BCAS3: variants seen among roughly 807,000 people sequenced by gnomAD.
The protein encoded by BCAS3 is BCAS4/BCAS3 fusion.
BCAS3 carries 53 observed loss-of-function variants against 116.1 expected under a neutral mutation model. The observed-to-expected ratio is 0.46, with a 90% CI of 0.37 to 0.57. BCAS3 has a LOEUF of 0.57. BCAS3 is among the 20% of genes least tolerant of loss of function. The pLI is 0.00. For missense variants in BCAS3, 917 were observed against 1,165.4 expected (o/e 0.79, Z 3.10); for synonymous variants, 391 against 408.2 (o/e 0.96, Z 0.51).
rs372700020 is a variant in BCAS3, at chr17:60,996,364, T to C, written c.1486+6129T>C. On this transcript the variant is annotated intron_variant, in intron 15 of 23. Transcript: ENST00000407086. ...TTATAGTGAAGACTGTGAGAAGTCATTGGATTCTTGATATATTTTTTATGG... is the reference window on the plus strand; with the variant it reads ...TTATAGTGAAGACTGTGAGAAGTCACTGGATTCTTGATATATTTTTTATGG... Among the ~76,000 whole-genome samples, 330 of 152,284 alleles carry C rather than the reference T, an allele frequency of 2.2e-3. 2 individuals carry two copies. Among genetic ancestry groups the C allele is most frequent in the African/African-American group, 6.9e-3 (287 of 41,554 alleles).
chr17:60,835,030 G>A (rs2051249948), intron 7 of BCAS3, among the ~76,000 whole-genome samples: 1 of 151,604 alleles, frequency 6.6e-6, no homozygotes, highest in African/African-American at 2.4e-5. Flanking sequence ...TTTTTAACTG[G>A]TCTGTTTTGC....
chr17:60,854,440 T>C (rs2053475423), intron 7 of BCAS3, among the ~76,000 whole-genome samples: 1 of 152,182 alleles, frequency 6.6e-6, no homozygotes, highest in Admixed American at 6.5e-5. Flanking sequence ...GGTCAAATGG[T>C]ATTTCTAGTT....
At chr17:61,102,097 A>G (rs781673374) in intron 22 of BCAS3, among the ~76,000 whole-genome samples, 1 of 152,180 alleles carries the variant, frequency 6.6e-6, no homozygotes, top group South Asian at 2.1e-4. Context: ...ATGCAATACT[A>G]TTAACATTCA....
chr17:60,771,311 C>T (rs989505857), intron 6 of BCAS3, among the ~76,000 whole-genome samples: 1 of 151,674 alleles, frequency 6.6e-6, no homozygotes, highest in African/African-American at 2.4e-5. Flanking sequence ...GTTGTCTAGA[C>T]TAAGGGTGAA....
At chr17:60,920,341 A>C (rs980372636) in intron 12 of BCAS3, among the ~76,000 whole-genome samples, 2 of 152,378 alleles carry the variant, frequency 1.3e-5, no homozygotes, top group African/African-American at 4.8e-5. Context: ...AAATGTTTGC[A>C]AATGGTTTAT....
intron 6 of BCAS3, among the ~76,000 whole-genome samples, chr17:60,804,478 A>T (rs1395044739): frequency 6.6e-6 from 1 of 152,064 alleles, no homozygotes; most frequent in African/African-American, 2.4e-5. Flanking sequence ...ATCTCAAAAG[A>T]AAAACAAGAA....
chr17:61,392,263 A>G lies in BCAS3; in HGVS notation c.*138A>G, dbSNP rs1484506843. On this transcript the variant is annotated 3_prime_UTR_variant, in exon 24 of 24. Coordinates refer to ENST00000407086, the MANE Select transcript of BCAS3 (RefSeq NM_017679.5). This position sits in a 1 kb window ranked among gnomAD's most constrained non-coding sequence, Gnocchi z 6.4. Reference sequence around the variant, plus strand: ...CCAAGCTTAGTGACAGCAGCCGCCCATCCTACCTGGATGGAGAAGAGACCC... The same window carrying G: ...CCAAGCTTAGTGACAGCAGCCGCCCGTCCTACCTGGATGGAGAAGAGACCC... The G allele has an allele frequency of 4.7e-6, 5 of 1,058,158 alleles. No individual in the cohort carries two copies. Among genetic ancestry groups the G allele is most frequent in the Middle Eastern group, 2.1e-4 (1 of 4,796 alleles). 65.5% of individuals were successfully genotyped at this position (1,058,158 alleles called of 1,614,324 possible).
Position 61,241,043 on chromosome 17 carries a change from G to T in BCAS3, c.2426-127284G>T, listed in dbSNP as rs1568646607. On this transcript the variant is annotated intron_variant, in intron 22 of 23. Transcript: ENST00000407086. This position sits in a 1 kb window ranked among gnomAD's most constrained non-coding sequence, Gnocchi z 4.6. ...CCATGAGAAACCTTCTAGAGCTTCC[G>T]CCCCCTCAGTTCTCACTCTCCATCA... Among the ~76,000 whole-genome samples, 1 of 152,098 alleles carries T rather than the reference G, an allele frequency of 6.6e-6. No homozygotes were observed. The highest frequency in any genetic ancestry group is 2.4e-5 in the African/African-American group (1 of 41,420).
chr17:60,711,148 G>A (rs1325907210), intron 5 of BCAS3, among the ~76,000 whole-genome samples: 1 of 142,100 alleles, frequency 7.0e-6, no homozygotes, highest in East Asian at 2.0e-4. Flanking sequence ...TAAGATGTGG[G>A]ATTTTTTTTT....
intron 20 of BCAS3, 78 bp from the exon 21 acceptor site, chr17:61,078,255 G>A: frequency 1.7e-6 from 2 of 1,178,758 alleles, no homozygotes; most frequent in East Asian, 2.4e-5. Flanking sequence ...TGGGTGTTAA[G>A]AGGAAGAATG....
intron 22 of BCAS3, among the ~76,000 whole-genome samples, chr17:61,311,766 C>T (rs544800055): frequency 6.6e-6 from 1 of 152,086 alleles, no homozygotes; most frequent in East Asian, 1.9e-4. Context: ...TGGTGGCGGG[C>T]GCCTGTAGTC....
At chr17:60,851,363 C>T (rs976781444) in intron 7 of BCAS3, 12 of 360,772 alleles carry the variant, frequency 3.3e-5, no homozygotes, top group South Asian at 1.2e-4. Flanking sequence ...ACCTGGCACA[C>T]GTCCTCCCCG....
chr17:60,924,235 A>G (rs185238442), intron 12 of BCAS3, among the ~76,000 whole-genome samples, 172 bp from the exon 13 acceptor site: 8 of 152,312 alleles, frequency 5.3e-5, no homozygotes, highest in Admixed American at 4.6e-4. Context: ...GGCATGTTAT[A>G]TCTCTTCCTC....
chr17:60,915,517 T>C (rs975494515), intron 12 of BCAS3, among the ~76,000 whole-genome samples: 12 of 151,962 alleles, frequency 7.9e-5, no homozygotes, highest in African/African-American at 2.9e-4. Context: ...CATCCCTTTT[T>C]CCTGATAACC....
intron 11 of BCAS3, among the ~76,000 whole-genome samples, chr17:60,903,700 T>C (rs568774036): frequency 6.6e-6 from 1 of 152,306 alleles, no homozygotes. Flanking sequence ...CCCAAAGTGC[T>C]GGGGTTACAG....
rs558123211 is a variant in BCAS3, at chr17:61,388,860, G to C, written c.2594-3117G>C. On this transcript the variant is annotated intron_variant, in intron 23 of 23. Transcript: ENST00000407086. The surrounding 1 kb of genome is among the most constrained non-coding windows in gnomAD (Gnocchi z 6.5). ...GAGCAGAAGGGGTCTGAGAGGAGGCGTGGAGAAAAGCGCCCACAAAGCTGC... is the reference window on the plus strand; with the variant it reads ...GAGCAGAAGGGGTCTGAGAGGAGGCCTGGAGAAAAGCGCCCACAAAGCTGC... 1 of 743,850 alleles carries C rather than the reference G, an allele frequency of 1.3e-6. No individual in the cohort carries two copies. Among genetic ancestry groups the C allele is most frequent in the Non-Finnish European group, 2.1e-6 (1 of 472,436 alleles). 46.1% of individuals were successfully genotyped at this position (743,850 alleles called of 1,614,324 possible). A position where few individuals can be genotyped will look rare whatever the true frequency, so the allele number is the denominator to read the frequency against.
In BCAS3 at chr17:61,151,391, A is replaced by G. The variant is rs1299497008; in HGVS notation, c.2425+66827A>G. ...CTACCTCCTCCTCCTGTTTTTTCCT[A>G]CTTTTTTTTTTTTTAACCTGTTAAG... On this transcript the variant is annotated intron_variant, in intron 22 of 23. Transcript: ENST00000407086. This position sits in a 1 kb window ranked among gnomAD's most constrained non-coding sequence, Gnocchi z 4.8. Among the ~76,000 whole-genome samples, 2 of 143,638 alleles carry G rather than the reference A, an allele frequency of 1.4e-5. No individual in the cohort carries two copies. The highest frequency in any genetic ancestry group is 2.1e-4 in the South Asian group (1 of 4,682). The allele number at this position is 143,638 out of a possible 152,430, so 94.2% of individuals were successfully genotyped here.
chr17:60,762,427 GT>G (rs1430235643), intron 6 of BCAS3, among the ~76,000 whole-genome samples: 2 of 152,140 alleles, frequency 1.3e-5, no homozygotes, highest in Non-Finnish European at 2.9e-5. Flanking sequence ...TGGCTAGCCA[GT>G]TTTCCCAACA....
intron 2 of BCAS3, among the ~76,000 whole-genome samples, chr17:60,682,143 G>A (rs1261837692): frequency 6.6e-6 from 1 of 152,184 alleles, no homozygotes; most frequent in East Asian, 1.9e-4. Context: ...TACTACAATG[G>A]AGAGTGACAA....
Sources: gnomAD v4.1 joint callset for allele counts (sites outside exome capture counted in the v4.1 genomes callset) on GRCh38, gnomAD v4.1.1 for gene constraint, Gnocchi (gnomAD v3.1) non-coding constraint, MANE v1.5 for transcripts, NCBI Gene and HGNC (gene_info 2026-07-23, HGNC 2026-07-21) for gene names.